SLC4A7: variants seen among roughly 807,000 people sequenced by gnomAD.
SLC4A7 encodes the protein sodium bicarbonate cotransporter 3.
SLC4A7 carries 51 observed loss-of-function variants against 137.6 expected under a neutral mutation model. The observed-to-expected ratio is 0.37, with a 90% CI of 0.30 to 0.47. The LOEUF (loss-of-function observed/expected upper bound fraction) is 0.47. Ranked by LOEUF, SLC4A7 falls within the 20% of genes least tolerant of loss-of-function variation. SLC4A7 has a pLI of 1.00. For missense variants in SLC4A7, 1,247 were observed against 1,525.4 expected, an observed-to-expected ratio of 0.82 and a Z score of 3.04; for synonymous variants, 542 against 518.6, an observed-to-expected ratio of 1.05 and a Z score of -0.61.
chr3:27,453,447 C>G (rs756142427), intron 1 of SLC4A7, among the ~76,000 whole-genome samples: 17 of 152,090 alleles, frequency 1.1e-4, no homozygotes, highest in Non-Finnish European at 2.5e-4. Context: ...AACCCCATCT[C>G]CACTAAAAAT....
intron 1 of SLC4A7, among the ~76,000 whole-genome samples, chr3:27,461,167 T>C (rs1448092567): frequency 6.6e-6 from 1 of 151,742 alleles, no homozygotes; most frequent in African/African-American, 2.4e-5. Context: ...TATTTGCAGA[T>C]GATGTGACAG....
At chr3:27,456,358 T>G (rs2058408045) in intron 1 of SLC4A7, among the ~76,000 whole-genome samples, 1 of 152,234 alleles carries the variant, frequency 6.6e-6, no homozygotes, top group Non-Finnish European at 1.5e-5. Context: ...ACTTAACTAT[T>G]AAGATAAAGT....
intron 13 of SLC4A7, 34 bp from the exon 14 acceptor site, chr3:27,404,997 T>C: frequency 6.7e-7 from 1 of 1,497,384 alleles, no homozygotes; most frequent in Non-Finnish European, 9.0e-7. Flanking sequence ...ATAAAAGCAA[T>C]ACATCATAAA....
At chr3:27,422,791 T>C (rs1179370403) in intron 8 of SLC4A7, 1 of 456,032 alleles carries the variant, frequency 2.2e-6, no homozygotes, top group Non-Finnish European at 4.4e-6. Flanking sequence ...AGCGGGCCTC[T>C]TGAGTCCCAC....
chr3:27,470,400 A>T (rs1406229712), intron 1 of SLC4A7, among the ~76,000 whole-genome samples: 1 of 152,076 alleles, frequency 6.6e-6, no homozygotes, highest in African/African-American at 2.4e-5. Context: ...GCCAAAATAA[A>T]AACTTTTTGA....
chr3:27,431,514 C>G lies in SLC4A7; in HGVS notation c.934G>C (p.Val312Leu). The stretch of plus-strand genomic sequence containing the variant: ...GGAGGACTGTTTTGAGGGGTGGGTA[C>G]TGGGGTTGTACACCTTGAGCCTGCA... ...TPAGSRCTTPVPTPQNSPPSS... is the reference protein window; with the variant it reads ...TPAGSRCTTPLPTPQNSPPSS... Residue 312 changes from valine to leucine, a missense_variant, in exon 7 of 26, where the codon GTA becomes CTA. Physicochemically the swap from Val to Leu is conservative, Grantham distance 32. Transcript: ENST00000454389. The G allele has an allele frequency of 1.2e-6, 2 of 1,614,034 alleles. No homozygotes were observed. Among genetic ancestry groups the G allele is most frequent in the Non-Finnish European group, 8.5e-7 (1 of 1,179,992 alleles).
rs17019753 is a variant in SLC4A7 at position 27,411,204 on chromosome 3, T to C, written c.1766+438A>G. 4.9e-3 allele frequency among the ~76,000 whole-genome samples: 747 copies of C among 152,304 alleles called. 9 individuals are homozygous for C. Among genetic ancestry groups the C allele is most frequent in the African/African-American group, 0.017 (709 of 41,586 alleles). On this transcript the variant is annotated intron_variant, in intron 12 of 25. Coordinates refer to ENST00000454389, the MANE Select transcript of SLC4A7 (RefSeq NM_001321103.2). ...ACAATGGTTTAATCATGCTTGTCCA[T>C]GGAAGATTACCTCATGATATAATGC...
At position 27,459,758 on chromosome 3, in the gene SLC4A7, C is replaced by T. The variant is rs148397457; in HGVS notation, c.61-7260G>A. ...AGTGCCCCCAAATAAGCAAGCATTC[C>T]TCCCATTCCCACTTCCACTCATGAG... On this transcript the variant is annotated intron_variant, in intron 1 of 25. Coordinates refer to ENST00000454389, the MANE Select transcript of SLC4A7 (RefSeq NM_001321103.2). Among the ~76,000 whole-genome samples, 265 of 152,130 alleles carry T rather than the reference C, an allele frequency of 1.7e-3. 4 individuals carry two copies. In the East Asian group the frequency reaches 0.038, roughly 22 times the overall value.
intron 1 of SLC4A7, among the ~76,000 whole-genome samples, chr3:27,483,801 C>T (rs1348063614): frequency 6.6e-6 from 1 of 151,784 alleles, no homozygotes; most frequent in African/African-American, 2.4e-5. Context: ...GTCGGGGTCC[C>T]GCCTGAGCCG....
intron 1 of SLC4A7, among the ~76,000 whole-genome samples, chr3:27,461,639 A>T (rs565459319): frequency 1.1e-4 from 17 of 151,178 alleles, no homozygotes; most frequent in Non-Finnish European, 2.4e-4. Flanking sequence ...AATAAAAAGG[A>T]AAAATGGTAT....
chr3:27,392,847 T>C (rs905852898), intron 20 of SLC4A7, among the ~76,000 whole-genome samples: 4 of 150,968 alleles, frequency 2.6e-5, no homozygotes, highest in African/African-American at 9.7e-5. Context: ...GAAAAAAAAA[T>C]GCTAGGAAAA....
chr3:27,398,010 A>C (rs562233974), intron 17 of SLC4A7, 182 bp downstream of exon 17: 1 of 618,742 alleles, frequency 1.6e-6, no homozygotes, highest in African/African-American at 1.8e-5. Flanking sequence ...TTATGGTACC[A>C]TCATCTTCCT....
chr3:27,438,733 T>C (rs2056959569), intron 3 of SLC4A7, among the ~76,000 whole-genome samples: 1 of 151,420 alleles, frequency 6.6e-6, no homozygotes, highest in African/African-American at 2.4e-5. Context: ...CAAAATACAA[T>C]GTAAGCTGAA....
intron 1 of SLC4A7, among the ~76,000 whole-genome samples, chr3:27,483,566 G>A (rs188512396): frequency 1.5e-3 from 233 of 152,354 alleles, no homozygotes; most frequent in Admixed American, 2.4e-3. Flanking sequence ...GAAAGAGGGG[G>A]AAAGATTCAA....
chr3:27,467,895 TCA>T (rs2059075161), intron 1 of SLC4A7, among the ~76,000 whole-genome samples: 1 of 152,236 alleles, frequency 6.6e-6, no homozygotes, highest in African/African-American at 2.4e-5. Flanking sequence ...ACATTTAATT[TCA>T]TTCAGAAAAA....
intron 8 of SLC4A7, chr3:27,423,523 G>A (rs1368734954): frequency 6.6e-6 from 1 of 152,160 alleles, no homozygotes; most frequent in African/African-American, 2.4e-5. Context: ...GTTCACATAG[G>A]TATTTTTTTG....
In SLC4A7 at chr3:27,420,711, T is replaced by C; in HGVS notation, c.1501A>G (p.Met501Val). ...HEIGRSIATL[M>V]TDEIFHDVAY... ...AGTATTCTGATTACCTCATCTGTCA[T>C]GAGAGTGGCTATTGATCGTCCAATT... Residue 501 changes from methionine to valine, a missense_variant, in exon 10 of 26, where the codon ATG becomes GTG. Met to Val is a conservative substitution (Grantham distance 21). Around this residue, in one of 6 missense-constraint regions of SLC4A7, gnomAD observed 499 missense variants for 664.2 expected, o/e 0.75. Coordinates refer to ENST00000454389, the MANE Select transcript of SLC4A7 (RefSeq NM_001321103.2). The C allele has an allele frequency of 6.2e-7, 1 of 1,610,264 alleles. No individual in the cohort carries two copies. Among genetic ancestry groups the C allele is most frequent in the Non-Finnish European group, 8.5e-7 (1 of 1,176,576 alleles).
At chr3:27,420,635 C>T (rs926532322) in intron 10 of SLC4A7, 65 bp downstream of exon 10, 93 of 965,466 alleles carry the variant, frequency 9.6e-5, no homozygotes, top group Non-Finnish European at 1.2e-4. Context: ...GAACTGTAAT[C>T]TAATATATAC....
chr3:27,470,681 G>A (rs2059205604), intron 1 of SLC4A7, among the ~76,000 whole-genome samples: 1 of 148,404 alleles, frequency 6.7e-6, no homozygotes, highest in Non-Finnish European at 1.5e-5. Flanking sequence ...GGTGGCTCAC[G>A]CCTGTAACCC....
Sources: allele counts gnomAD v4.1 joint callset (sites outside exome capture counted in the v4.1 genomes callset), GRCh38; gene constraint gnomAD v4.1.1; regional missense constraint gnomAD v4.1.1; transcripts MANE v1.5; gene names NCBI Gene and HGNC (gene_info 2026-07-23, HGNC 2026-07-21).